ABLIM2: variants seen among roughly 807,000 people sequenced by gnomAD.
The protein encoded by ABLIM2 is actin binding LIM protein family member 2, also known as actin-binding LIM protein 2.
A neutral mutation model predicts 97.7 loss-of-function variants in ABLIM2; 53 were observed. The ratio of observed to expected loss-of-function variants is 0.54; its 90% CI spans 0.44 to 0.68. The LOEUF is 0.68. Among genes scored for constraint, ABLIM2 ranks in the 30% least tolerant of loss-of-function variants. The probability of loss-of-function intolerance (pLI) is 0.00; values close to 1 mark genes in which losing one functional copy is unlikely to be tolerated. For missense variants in ABLIM2, 835 were observed against 867.2 expected, an observed-to-expected ratio of 0.96 and a Z score of 0.47; for synonymous variants, 361 against 345.8, an observed-to-expected ratio of 1.04 and a Z score of -0.49.
rs1485699519 is a variant in ABLIM2, at chr4:8,083,011, T to G, written c.455-2209A>C. Among the ~76,000 whole-genome samples, 1 of 152,114 alleles carries G rather than the reference T, an allele frequency of 6.6e-6. No homozygotes were observed. Among genetic ancestry groups the G allele is most frequent in the African/African-American group, 2.4e-5 (1 of 41,432 alleles). ...CAATGTCTGGCGACCCTTTTGATTG[T>G]CATAACTTGGAGGGGGTTCCAGGCA... On this transcript the variant is annotated intron_variant, in intron 4 of 20. Coordinates refer to ENST00000447017, the MANE Select transcript of ABLIM2 (RefSeq NM_001130083.2). This position sits in a 1 kb window ranked among gnomAD's most constrained non-coding sequence, Gnocchi z 4.6.
At chr4:8,157,935 A>G (rs1715919022) in intron 1 of ABLIM2, among the ~76,000 whole-genome samples, 1 of 152,240 alleles carries the variant, frequency 6.6e-6, no homozygotes, top group African/African-American at 2.4e-5. Flanking sequence ...GGGCATCCTC[A>G]GGCCGCCTCC....
chr4:8,138,081 A>G (rs1850432657), intron 1 of ABLIM2, among the ~76,000 whole-genome samples: 1 of 152,236 alleles, frequency 6.6e-6, no homozygotes, highest in African/African-American at 2.4e-5. Flanking sequence ...CAAATAGTGC[A>G]GGATTCCACT....
chr4:8,057,151 T>C (rs1296454523), intron 7 of ABLIM2, among the ~76,000 whole-genome samples: 2 of 149,446 alleles, frequency 1.3e-5, no homozygotes, highest in African/African-American at 2.5e-5. Flanking sequence ...CAGGCTAGAG[T>C]GCAGTTATGC....
chr4:8,056,307 T>TTC (rs1411457512), intron 7 of ABLIM2, among the ~76,000 whole-genome samples: 7 of 142,712 alleles, frequency 4.9e-5, no homozygotes, highest in Admixed American at 7.0e-5. Context: ...CTTTCTTTCT[T>TTC]TTTTTTTTTT....
In ABLIM2 at chr4:8,027,919, A is replaced by G; in HGVS notation, c.1169-62T>C. 3.3e-6 allele frequency: 4 copies of G among 1,197,202 alleles called. No homozygotes were observed. The South Asian group carries it at 5.0e-5, about 15-fold the overall frequency. 74.2% of individuals were successfully genotyped at this position (1,197,202 alleles called of 1,614,324 possible). A position where few individuals can be genotyped will look rare whatever the true frequency, so the allele number is the denominator to read the frequency against. ...GGCTGGCTGGTGCAACGCCACACAT[A>G]TTCCTCATCCCCACTCTGCTACGAA... On this transcript the variant is annotated intron_variant, in intron 11 of 20. Transcript: ENST00000447017.
In ABLIM2 at chr4:8,127,385, A is replaced by G. The variant is rs531969151; in HGVS notation, c.11-20748T>C. On this transcript the variant is annotated intron_variant, in intron 1 of 20. Coordinates refer to ENST00000447017, the MANE Select transcript of ABLIM2 (RefSeq NM_001130083.2). The surrounding 1 kb of genome is among the most constrained non-coding windows in gnomAD (Gnocchi z 7.3). ...ACTGGCGCTCGTGGTGCCGGCGCTC[A>G]TGACCTTCACGCAGGGCACAACTTG... 4.6e-5 allele frequency among the ~76,000 whole-genome samples: 7 copies of G among 152,288 alleles called. No homozygotes were observed. The highest frequency in any genetic ancestry group is 1.2e-4 in the African/African-American group (5 of 41,548).
rs1010743892 is a variant in ABLIM2 at position 8,077,661 on chromosome 4, G to A, written c.642C>T (p.Ser214=). The part of the protein sequence containing the change: ...YHAKFGIRCD[S]CEKYITGRVL... Reference sequence around the variant, plus strand: ...CGCGCCCCGTGATGTATTTCTCACAGCTGTCACAGCGGATGCCGAACTTGG... The same window carrying A: ...CGCGCCCCGTGATGTATTTCTCACAACTGTCACAGCGGATGCCGAACTTGG... The change falls in exon 6 of 21, where the codon AGC becomes AGT. Residue 214 remains serine, a synonymous_variant. Transcript: ENST00000447017. The A allele has an allele frequency of 3.1e-6, 5 of 1,612,928 alleles. No individual in the cohort carries two copies. The highest frequency in any genetic ancestry group is 4.2e-6 in the Non-Finnish European group (5 of 1,179,440).
At chr4:8,006,527 T>G (rs1208472495) in intron 16 of ABLIM2, among the ~76,000 whole-genome samples, 1 of 152,202 alleles carries the variant, frequency 6.6e-6, no homozygotes, top group Admixed American at 6.5e-5. Flanking sequence ...GCCGGGACAC[T>G]GAGCAAAGTA....
In ABLIM2 at chr4:8,071,078, C is replaced by T. The variant is rs1811679192; in HGVS notation, c.675+6550G>A. ...CAGTGGCTTCTCCTCATCCACACCT[C>T]CTCCCTTTATGCAGCCCTGGTCTAG... is the stretch of plus-strand genomic sequence containing the variant. On this transcript the variant is annotated intron_variant, in intron 6 of 20. Transcript: ENST00000447017. This position sits in a 1 kb window ranked among gnomAD's most constrained non-coding sequence, Gnocchi z 6.2. Among the ~76,000 whole-genome samples, 2 of 152,202 alleles carry T rather than the reference C, an allele frequency of 1.3e-5. No homozygotes were observed. The highest frequency in any genetic ancestry group is 1.5e-5 in the Non-Finnish European group (1 of 68,018).
chr4:8,108,357 G>A (rs180930880), intron 1 of ABLIM2, among the ~76,000 whole-genome samples: 19 of 152,318 alleles, frequency 1.2e-4, no homozygotes, highest in Admixed American at 1.2e-3. Context: ...CACCCCGAAT[G>A]ATCTCATTGA....
intron 1 of ABLIM2, among the ~76,000 whole-genome samples, chr4:8,131,623 T>C (rs191416205): frequency 3.7e-4 from 55 of 150,114 alleles, no homozygotes; most frequent in East Asian, 2.4e-3. Context: ...CACAGAAGCC[T>C]GCATCCCTGA....
chr4:8,068,649 C>A lies in ABLIM2; in HGVS notation c.676-7595G>T, dbSNP rs1029273887. 6.6e-6 allele frequency among the ~76,000 whole-genome samples: 1 copy of A among 152,318 alleles called. No homozygotes were observed. Among genetic ancestry groups the A allele is most frequent in the East Asian group, 1.9e-4 (1 of 5,184 alleles). ...CAACCACGGAATCCGGGTGCAAAGG[C>A]CTCCTCTGCCCACTGGAGAGCTGCC... is the stretch of plus-strand genomic sequence containing the variant. On this transcript the variant is annotated intron_variant, in intron 6 of 20. Transcript: ENST00000447017. This position sits in a 1 kb window ranked among gnomAD's most constrained non-coding sequence, Gnocchi z 4.5.
chr4:8,152,481 C>T (rs570469431), intron 1 of ABLIM2, among the ~76,000 whole-genome samples: 8 of 152,240 alleles, frequency 5.3e-5, no homozygotes, highest in Non-Finnish European at 1.0e-4. Context: ...CTTGATGAGC[C>T]GCAGTCTCTG....
At position 8,117,683 on chromosome 4, in the gene ABLIM2, G is replaced by T. The variant is rs184800836; in HGVS notation, c.11-11046C>A. ...GACTGCTTCTTCTCCCATACCCTGTGATCATCATTCTCCTAGGCTCGACCG... is the reference window on the plus strand; with the variant it reads ...GACTGCTTCTTCTCCCATACCCTGTTATCATCATTCTCCTAGGCTCGACCG... On this transcript the variant is annotated intron_variant, in intron 1 of 20. Coordinates refer to ENST00000447017, the MANE Select transcript of ABLIM2 (RefSeq NM_001130083.2). Among the ~76,000 whole-genome samples, 776 of 151,556 alleles carry T rather than the reference G, an allele frequency of 5.1e-3. 7 individuals are homozygous for T. Among genetic ancestry groups the T allele is most frequent in the African/African-American group, 0.018 (754 of 41,488 alleles).
intron 18 of ABLIM2, among the ~76,000 whole-genome samples, chr4:7,983,910 G>A (rs1227568681): frequency 6.6e-6 from 1 of 152,218 alleles, no homozygotes; most frequent in Non-Finnish European, 1.5e-5. Context: ...GCATTTCAGG[G>A]GAAACTTTTA....
chr4:7,975,436 C>T (rs568995266), intron 20 of ABLIM2, among the ~76,000 whole-genome samples: 7 of 152,188 alleles, frequency 4.6e-5, no homozygotes, highest in African/African-American at 1.2e-4. Flanking sequence ...CACACTCCTG[C>T]GTACTTATCC....
rs1276781178 is a variant in ABLIM2, at chr4:7,966,740, T to A, written c.*250A>T. ...TCCATCTGATGCCCGACACAGCCAC[T>A]CTACAGCCTCTCCCTGACACCAAGC... On this transcript the variant is annotated 3_prime_UTR_variant, in exon 21 of 21. Transcript: ENST00000447017. The A allele has an allele frequency of 2.0e-6, 1 of 503,494 alleles. No homozygotes were observed. Among genetic ancestry groups the A allele is most frequent in the Non-Finnish European group, 3.6e-6 (1 of 280,696 alleles). 31.2% of individuals were successfully genotyped at this position (503,494 alleles called of 1,614,324 possible). A position where few individuals can be genotyped will look rare whatever the true frequency, so the allele number is the denominator to read the frequency against.
intron 9 of ABLIM2, chr4:8,041,383 G>A (rs1315195279): frequency 1.3e-5 from 2 of 152,272 alleles, no homozygotes; most frequent in Non-Finnish European, 2.9e-5. Flanking sequence ...AAGAAGAAAG[G>A]AGCCACCATG....
At chr4:8,100,531 G>A (rs1022284924) in intron 2 of ABLIM2, among the ~76,000 whole-genome samples, 3 of 152,132 alleles carry the variant, frequency 2.0e-5, no homozygotes, top group Non-Finnish European at 4.4e-5. Flanking sequence ...CGGATCACCT[G>A]AGGTCAGGAG....
Sources: gnomAD v4.1 joint callset for allele counts (sites outside exome capture counted in the v4.1 genomes callset) on GRCh38, gnomAD v4.1.1 for gene constraint, Gnocchi (gnomAD v3.1) non-coding constraint, MANE v1.5 for transcripts, NCBI Gene and HGNC (gene_info 2026-07-23, HGNC 2026-07-21) for gene names.